IK: variants seen among roughly 807,000 people sequenced by gnomAD.
IK encodes the protein IK cytokine.
A neutral mutation model predicts 90.9 loss-of-function variants in IK; 47 were observed. The ratio of observed to expected loss-of-function variants is 0.52; its 90% CI spans 0.41 to 0.66. The LOEUF (loss-of-function observed/expected upper bound fraction) is 0.66, where lower values mean the gene tolerates loss of function less well. Ranked by LOEUF, IK falls within the 30% of genes least tolerant of loss-of-function variation. IK has a pLI of 0.00. For missense variants in IK, 385 were observed against 709.3 expected (o/e 0.54, Z 5.19); for synonymous variants, 201 against 227.5 (o/e 0.88, Z 1.05).
Position 140,652,045 on chromosome 5 carries a change from T to G in IK, c.177-43T>G. ...GGAGACTTCTTGGGGTTTCTGGGGCTGTGGCAATATTTTGCTATCAGTGAA... is the reference window on the plus strand; with the variant it reads ...GGAGACTTCTTGGGGTTTCTGGGGCGGTGGCAATATTTTGCTATCAGTGAA... On this transcript the variant is annotated intron_variant, in intron 3 of 19. Transcript: ENST00000417647. 3.4e-6 allele frequency: 5 copies of G among 1,488,076 alleles called. No individual in the cohort carries two copies. In the Admixed American group the frequency reaches 5.0e-5, roughly 15 times the overall value. The allele number at this position is 1,488,076 out of a possible 1,614,324, so 92.2% of individuals were successfully genotyped here. A position where few individuals can be genotyped will look rare whatever the true frequency, so the allele number is the denominator to read the frequency against.
intron 9 of IK, among the ~76,000 whole-genome samples, chr5:140,657,008 C>A (rs1341433173): frequency 1.3e-5 from 2 of 152,064 alleles, no homozygotes; most frequent in Non-Finnish European, 2.9e-5. Flanking sequence ...GTTAGGAGTT[C>A]AATACCAGGT....
rs781303354 is a variant in IK, at chr5:140,657,674, G to C, written c.910+12G>C. 34 of 1,564,740 alleles carry C rather than the reference G, an allele frequency of 2.2e-5. No homozygotes were observed. The highest frequency in any genetic ancestry group is 2.9e-5 in the Non-Finnish European group (33 of 1,138,566). ...GAAGAAGGATAAAGGTACCTGGAGG[G>C]TTAGAGAGAGAAGCCTTACCCACAG... On this transcript the variant is annotated intron_variant, in intron 10 of 19. Coordinates refer to ENST00000417647, the MANE Select transcript of IK (RefSeq NM_006083.4).
rs2149809233 is a variant in IK at position 140,662,381 on chromosome 5, C to G, written c.*52C>G. On this transcript the variant is annotated 3_prime_UTR_variant, in exon 20 of 20. Coordinates refer to ENST00000417647, the MANE Select transcript of IK (RefSeq NM_006083.4). ...ACAAGGATATGCTCCCCACTGTTTT[C>G]TTTCTACAATTTCCAAAGGTTGCAA... The G allele has an allele frequency of 6.3e-7, 1 of 1,583,908 alleles. No individual in the cohort carries two copies. The highest frequency in any genetic ancestry group is 8.7e-7 in the Non-Finnish European group (1 of 1,153,218).
chr5:140,659,053 C>CCGAGAG lies in IK; in HGVS notation c.1077_1082dup (p.Glu361_Arg362dup), dbSNP rs763252870. On this transcript the variant is annotated inframe_insertion, in exon 12 of 20. Coordinates refer to ENST00000417647, the MANE Select transcript of IK (RefSeq NM_006083.4). ...ATCGGGAAAGAGACAGAGACCGTGA[C>CCGAGAG]CGAGAGCGAGAGCGAGAACGAGATC... The CCGAGAG allele has an allele frequency of 2.4e-5, 38 of 1,611,064 alleles. No individual in the cohort carries two copies. The Admixed American group carries it at 4.8e-4, about 21-fold the overall frequency.
chr5:140,651,571 G>A (rs554352662), intron 2 of IK, 143 bp from the exon 3 acceptor site: 29 of 553,196 alleles, frequency 5.2e-5, no homozygotes, highest in African/African-American at 2.4e-4. Flanking sequence ...GTGAGACTCC[G>A]TCTCAAAAAA....
At position 140,660,749 on chromosome 5, in the gene IK, TCTC is replaced by T. The variant is rs1757791142; in HGVS notation, c.1356-6_1356-4del. On this transcript the variant is annotated splice_region_variant and splice_polypyrimidine_tract_variant and intron_variant, in intron 15 of 19. Coordinates refer to ENST00000417647, the MANE Select transcript of IK (RefSeq NM_006083.4). ...ATGCAACATCTGTTTAACTCTTGCTTCTCCTTAGGATGGATGACATGGCTGTGG... is the reference window on the plus strand; with the variant it reads ...ATGCAACATCTGTTTAACTCTTGCTTCTTAGGATGGATGACATGGCTGTGG... The T allele has an allele frequency of 6.2e-7, 1 of 1,611,824 alleles. No homozygotes were observed. The highest frequency in any genetic ancestry group is 1.3e-5 in the African/African-American group (1 of 74,874).
rs1757762576 is a variant in IK, at chr5:140,659,269, G to A, written c.1177-46G>A. The A allele has an allele frequency of 5.6e-6, 9 of 1,613,324 alleles. No homozygotes were observed. In the East Asian group the frequency reaches 2.0e-4, roughly 36 times the overall value. ...TCAAACTTGGGGGAGGGATGAGTAG[G>A]AATCTCTCATGGTAACACTAACTTC... On this transcript the variant is annotated intron_variant, in intron 12 of 19. Coordinates refer to ENST00000417647, the MANE Select transcript of IK (RefSeq NM_006083.4).
intron 10 of IK, 57 bp downstream of exon 10, chr5:140,657,719 C>G: frequency 8.9e-7 from 1 of 1,123,532 alleles, no homozygotes; most frequent in Non-Finnish European, 1.3e-6. Flanking sequence ...GGGGATAAAA[C>G]CAAGGTCTCC....
intron 2 of IK, among the ~76,000 whole-genome samples, chr5:140,649,480 G>T (rs1757576674): frequency 6.6e-6 from 1 of 151,882 alleles, no homozygotes; most frequent in Non-Finnish European, 1.5e-5. Context: ...CTCCTAAAGT[G>T]CTGGCATTAC....
At chr5:140,653,177 C>T (rs1345734452) in intron 5 of IK, 33 bp downstream of exon 5, 2 of 1,587,838 alleles carry the variant, frequency 1.3e-6, no homozygotes, top group African/African-American at 2.7e-5. Flanking sequence ...ATGGTTCCCT[C>T]AGCATCCGAG....
chr5:140,660,554 T>C lies in IK; in HGVS notation c.1356-204T>C, dbSNP rs1757787498. The C allele has an allele frequency of 5.4e-6, 3 of 555,412 alleles. No individual in the cohort carries two copies. The East Asian group carries it at 8.8e-5, about 16-fold the overall frequency. 34.4% of individuals were successfully genotyped at this position (555,412 alleles called of 1,614,324 possible). A position where few individuals can be genotyped will look rare whatever the true frequency, so the allele number is the denominator to read the frequency against. ...CTCAGGTAATCTGCCCTCCTCAGCC[T>C]CCAAAAGTGCGGGGATTACAGGAGT... On this transcript the variant is annotated intron_variant, in intron 15 of 19. Coordinates refer to ENST00000417647, the MANE Select transcript of IK (RefSeq NM_006083.4).
At position 140,659,907 on chromosome 5, in the gene IK, G is replaced by C. The variant is rs550488835; in HGVS notation, c.1274+73G>C. The C allele has an allele frequency of 1.8e-4, 191 of 1,090,020 alleles. 1 individual carries two copies. In the African/African-American group the frequency reaches 2.4e-3, roughly 14 times the overall value. 67.5% of individuals were successfully genotyped at this position (1,090,020 alleles called of 1,614,324 possible). A position where few individuals can be genotyped will look rare whatever the true frequency, so the allele number is the denominator to read the frequency against. On this transcript the variant is annotated intron_variant, in intron 14 of 19. Coordinates refer to ENST00000417647, the MANE Select transcript of IK (RefSeq NM_006083.4). ...TTACTCCAACCCCCCCTGCCTCCCT[G>C]CTCCCTCCTACCCTGCCCCTCTCCT...
intron 10 of IK, 38 bp downstream of exon 10, chr5:140,657,700 A>G: frequency 7.2e-7 from 1 of 1,394,886 alleles, no homozygotes. Flanking sequence ...TTACCCACAG[A>G]GGACGTTTGG....
In IK at chr5:140,653,086, G is replaced by A; in HGVS notation, c.346G>A (p.Glu116Lys). 1 of 1,613,906 alleles carries A rather than the reference G, an allele frequency of 6.2e-7. No homozygotes were observed. The highest frequency in any genetic ancestry group is 8.5e-7 in the Non-Finnish European group (1 of 1,179,872). The change falls in exon 5 of 20, where the codon GAA becomes AAA. Residue 116 changes from glutamate (E) to lysine (K), a missense_variant. Physicochemically the swap from Glu to Lys is moderately conservative, Grantham distance 56 (BLOSUM62 1). Coordinates refer to ENST00000417647, the MANE Select transcript of IK (RefSeq NM_006083.4). ...AGATGGAGTGAACAAAGATTATGAAGAAACCGAGCTTATCAGCACCACAGC... is the reference window on the plus strand; with the variant it reads ...AGATGGAGTGAACAAAGATTATGAAAAAACCGAGCTTATCAGCACCACAGC... ...RRDGVNKDYE[E>K]TELISTTANY...
chr5:140,655,124 T>C (rs1757683544), intron 8 of IK, among the ~76,000 whole-genome samples: 1 of 152,178 alleles, frequency 6.6e-6, no homozygotes, highest in Non-Finnish European at 1.5e-5. Context: ...TCCCATAAAA[T>C]ACTCTAATAA....
Position 140,661,741 on chromosome 5 carries a change from G to C in IK, c.1502+33G>C. 1 of 1,529,148 alleles carries C rather than the reference G, an allele frequency of 6.5e-7. No individual in the cohort carries two copies. Among genetic ancestry groups the C allele is most frequent in the Non-Finnish European group, 9.0e-7 (1 of 1,114,346 alleles). The allele number at this position is 1,529,148 out of a possible 1,614,324, so 94.7% of individuals were successfully genotyped here. On this transcript the variant is annotated intron_variant, in intron 17 of 19. Coordinates refer to ENST00000417647, the MANE Select transcript of IK (RefSeq NM_006083.4). The surrounding 1 kb of genome is among the most constrained non-coding windows in gnomAD (Gnocchi z 4.2). Reference sequence around the variant, plus strand: ...GGTACTGAATATGGGCAGGGTGTGAGGAGGGGTGTGGGGATTTGGTGGAAT... The same window carrying C: ...GGTACTGAATATGGGCAGGGTGTGACGAGGGGTGTGGGGATTTGGTGGAAT...
At chr5:140,654,461 G>T (rs750564157) in intron 6 of IK, 55 bp from the exon 7 acceptor site, 4 of 1,331,536 alleles carry the variant, frequency 3.0e-6, no homozygotes, top group African/African-American at 1.5e-5. Context: ...TGGTGTAGTG[G>T]ATGTTCAATA....
chr5:140,653,089 A>G lies in IK; in HGVS notation c.349A>G (p.Thr117Ala). The G allele has an allele frequency of 6.2e-7, 1 of 1,613,850 alleles. No homozygotes were observed. Among genetic ancestry groups the G allele is most frequent in the Non-Finnish European group, 8.5e-7 (1 of 1,179,868 alleles). The change falls in exon 5 of 20, where the codon ACC (threonine) becomes GCC (alanine). Residue 117 changes from threonine (T) to alanine (A), a missense_variant. This residue lies in a region of IK where 64 missense variants were observed against 144.6 expected (regional missense o/e 0.44). Coordinates refer to ENST00000417647, the MANE Select transcript of IK (RefSeq NM_006083.4). ...TGGAGTGAACAAAGATTATGAAGAA[A>G]CCGAGCTTATCAGCACCACAGCTAA... ...RDGVNKDYEE[T>A]ELISTTANYR... is the part of the protein sequence containing the mutation.
chr5:140,659,055 G>A lies in IK; in HGVS notation c.1067G>A (p.Arg356Gln), dbSNP rs964221015. 7 of 1,611,144 alleles carry A rather than the reference G, an allele frequency of 4.3e-6. No homozygotes were observed. The Admixed American group carries it at 5.0e-5, about 12-fold the overall frequency. The change falls in exon 12 of 20, where the codon CGA becomes CAA. Residue 356 changes from arginine to glutamine, a missense_variant. Coordinates refer to ENST00000417647, the MANE Select transcript of IK (RefSeq NM_006083.4). ...RDRERDRDRD[R>Q]ERERERDRER... ...CGGGAAAGAGACAGAGACCGTGACCGAGAGCGAGAGCGAGAACGAGATCGG... is the reference window on the plus strand; with the variant it reads ...CGGGAAAGAGACAGAGACCGTGACCAAGAGCGAGAGCGAGAACGAGATCGG...
Sources: gnomAD v4.1 joint callset for allele counts (sites outside exome capture counted in the v4.1 genomes callset) on GRCh38, gnomAD v4.1.1 for gene constraint, gnomAD v4.1.1 regional missense constraint, Gnocchi (gnomAD v3.1) non-coding constraint, MANE v1.5 for transcripts, NCBI Gene and HGNC (gene_info 2026-07-23, HGNC 2026-07-21) for gene names.